Variants in FGGY observed in about 807,000 individuals in gnomAD.
FGGY encodes FGGY carbohydrate kinase domain-containing protein.
A neutral mutation model predicts 71.3 loss-of-function variants in FGGY; 72 were observed. That is an observed-to-expected ratio of 1.01 (90% CI 0.84 to 1.23). The LOEUF is 1.23. FGGY is among the 50% of genes most tolerant of loss of function. The pLI is 0.00. For synonymous variants in FGGY, 251 were observed against 250.3 expected, an observed-to-expected ratio of 1.00 and a Z score of -0.02; for missense variants, 668 against 682.3, an observed-to-expected ratio of 0.98 and a Z score of 0.23.
chr1:59,671,666 T>G (rs1216232887), intron 13 of FGGY, among the ~76,000 whole-genome samples: 2 of 152,212 alleles, frequency 1.3e-5, no homozygotes, highest in Non-Finnish European at 2.9e-5. Flanking sequence ...TAATGCTAAT[T>G]TAGTGCTTTC....
At chr1:59,480,197 A>C (rs1221360502) in intron 6 of FGGY, among the ~76,000 whole-genome samples, 2 of 152,204 alleles carry the variant, frequency 1.3e-5, no homozygotes, top group Non-Finnish European at 2.9e-5. Context: ...ACCTCCCAGC[A>C]TAAACCTTCT....
At chr1:59,316,038 C>T (rs1377998401) in intron 1 of FGGY, 1 of 152,198 alleles carries the variant, frequency 6.6e-6, no homozygotes, top group Non-Finnish European at 1.5e-5. Context: ...AATTTTTCCA[C>T]CATCTTAGAG....
chr1:59,361,218 A>C (rs1043588529), intron 4 of FGGY, among the ~76,000 whole-genome samples: 1 of 152,340 alleles, frequency 6.6e-6, no homozygotes, highest in Non-Finnish European at 1.5e-5. Flanking sequence ...ATTTATTGAA[A>C]ATTTGTTTTG....
chr1:59,757,802 G>T, intron 14 of FGGY, 129 bp from the exon 15 acceptor site: 2 of 598,682 alleles, frequency 3.3e-6, no homozygotes, highest in Non-Finnish European at 5.9e-6. Flanking sequence ...AAAGTAAGTT[G>T]AAAAAAAAGA....
intron 5 of FGGY, among the ~76,000 whole-genome samples, chr1:59,381,641 G>T (rs2059464969): frequency 1.2e-5 from 1 of 85,290 alleles, no homozygotes; most frequent in Admixed American, 1.3e-4. Context: ...GTGTGTGTGT[G>T]TGTGTGTGTG....
Position 59,550,059 on chromosome 1 carries a change from T to C in FGGY, c.800-4065T>C, listed in dbSNP as rs564149532. On this transcript the variant is annotated intron_variant, in intron 7 of 15. Transcript: ENST00000303721. ...TGAGCAACTGCCATCAGTTGGGCAT[T>C]GTGCAAGTTTCAGGGAAAACACAGT... Among the ~76,000 whole-genome samples the C allele has an allele frequency of 3.9e-5, 6 of 152,346 alleles. No individual in the cohort carries two copies. The East Asian group carries it at 1.2e-3, about 29-fold the overall frequency.
intron 10 of FGGY, among the ~76,000 whole-genome samples, chr1:59,635,393 A>C (rs990313867): frequency 1.3e-5 from 2 of 152,162 alleles, no homozygotes; most frequent in African/African-American, 2.4e-5. Context: ...GGCTAAATGA[A>C]TCTCACTGTT....
At chr1:59,497,079 C>A (rs1254596588) in intron 6 of FGGY, among the ~76,000 whole-genome samples, 1 of 152,066 alleles carries the variant, frequency 6.6e-6, no homozygotes, top group African/African-American at 2.4e-5. Context: ...AGTAGGTGAC[C>A]CCTGAATTGC....
Position 59,539,248 on chromosome 1 carries a change from G to T in FGGY, c.800-14876G>T, listed in dbSNP as rs533686502. ...TTCAGTTCAGCATTCTAGCAGATTT[G>T]TGTGTAAGAGGATGGAAATTGGTAG... On this transcript the variant is annotated intron_variant, in intron 7 of 15. Transcript: ENST00000303721. 3.3e-5 allele frequency among the ~76,000 whole-genome samples: 5 copies of T among 152,306 alleles called. No homozygotes were observed. In the East Asian group the frequency reaches 5.8e-4, roughly 18 times the overall value.
At chr1:59,461,429 C>A (rs192565261) in intron 6 of FGGY, among the ~76,000 whole-genome samples, 3 of 152,240 alleles carry the variant, frequency 2.0e-5, no homozygotes, top group East Asian at 1.9e-4. Context: ...TGTGAGAAGA[C>A]CATATCTACA....
intron 2 of FGGY, among the ~76,000 whole-genome samples, chr1:59,338,538 TC>T (rs544015446): frequency 3.3e-4 from 51 of 152,262 alleles, no homozygotes; most frequent in African/African-American, 1.2e-3. Flanking sequence ...TCTCAATTTT[TC>T]ACATGGCTTT....
chr1:59,461,836 A>G (rs2153522506), intron 6 of FGGY, among the ~76,000 whole-genome samples: 1 of 151,538 alleles, frequency 6.6e-6, no homozygotes, highest in Non-Finnish European at 1.5e-5. Flanking sequence ...TTCTATTATT[A>G]TTATTATACT....
intron 7 of FGGY, among the ~76,000 whole-genome samples, chr1:59,543,503 A>C (rs1156484285): frequency 6.6e-6 from 1 of 152,180 alleles, no homozygotes; most frequent in Non-Finnish European, 1.5e-5. Context: ...GCCTTTATAG[A>C]AACTTGGCCT....
At chr1:59,360,695 G>T (rs2055324982) in intron 4 of FGGY, among the ~76,000 whole-genome samples, 1 of 152,216 alleles carries the variant, frequency 6.6e-6, no homozygotes, top group African/African-American at 2.4e-5. Context: ...TTGTTGGAAA[G>T]AAAATTAGTG....
intron 14 of FGGY, among the ~76,000 whole-genome samples, chr1:59,740,271 T>C (rs2098136953): frequency 6.6e-6 from 1 of 152,256 alleles, no homozygotes; most frequent in Non-Finnish European, 1.5e-5. Context: ...TTTCCCATTT[T>C]CTACAATGAC....
chr1:59,339,890 T>C (rs1424266185), intron 2 of FGGY, 68 bp from the exon 3 acceptor site: 3 of 892,848 alleles, frequency 3.4e-6, no homozygotes, highest in Admixed American at 2.5e-5. Flanking sequence ...TTCCTTCTAG[T>C]TGTAACTGTT....
intron 8 of FGGY, among the ~76,000 whole-genome samples, chr1:59,594,031 A>T (rs577689965): frequency 6.6e-6 from 1 of 152,192 alleles, no homozygotes; most frequent in Non-Finnish European, 1.5e-5. Flanking sequence ...TAAACTTCTT[A>T]CAACAATTAA....
At chr1:59,606,474 C>G (rs1248848061) in intron 8 of FGGY, among the ~76,000 whole-genome samples, 1 of 152,126 alleles carries the variant, frequency 6.6e-6, no homozygotes, top group Non-Finnish European at 1.5e-5. Context: ...GTTTATGAAG[C>G]ATTAAGGAGA....
intron 15 of FGGY, among the ~76,000 whole-genome samples, chr1:59,758,265 G>T (rs986916730): frequency 2.0e-5 from 3 of 152,168 alleles, no homozygotes; most frequent in Admixed American, 1.3e-4. Flanking sequence ...GCTCTTCTCT[G>T]TTCTAAAGTA....
Sources: allele counts gnomAD v4.1 joint callset (sites outside exome capture counted in the v4.1 genomes callset), GRCh38; gene constraint gnomAD v4.1.1; transcripts MANE v1.5; gene names NCBI Gene and HGNC (gene_info 2026-07-23, HGNC 2026-07-21).